The following DEPDC1B variants were observed in gnomAD, a reference collection of about 807,000 sequenced individuals.
DEPDC1B encodes the protein DEP domain-containing protein 1B.
Under a neutral mutation model 66.5 loss-of-function variants are expected in DEPDC1B, and 51 were observed. That is an observed-to-expected ratio of 0.77 (90% CI 0.61 to 0.97). The LOEUF (loss-of-function observed/expected upper bound fraction) is 0.97. DEPDC1B is among the 50% of genes least tolerant of loss of function. The pLI, the probability that DEPDC1B is intolerant of heterozygous loss-of-function variation, is 0.00. For missense variants in DEPDC1B, 552 were observed against 637.1 expected (o/e 0.87, Z 1.44); for synonymous variants, 226 against 223.6 (o/e 1.01, Z -0.10).
chr5:60,658,390 A>G (rs1179081385), intron 2 of DEPDC1B, among the ~76,000 whole-genome samples: 1 of 152,168 alleles, frequency 6.6e-6, no homozygotes, highest in Non-Finnish European at 1.5e-5. Flanking sequence ...ATATTACCAG[A>G]ATTGTTTTTC....
At chr5:60,609,478 A>G (rs1440300113) in intron 7 of DEPDC1B, among the ~76,000 whole-genome samples, 2 of 152,158 alleles carry the variant, frequency 1.3e-5, no homozygotes, top group African/African-American at 4.8e-5. Flanking sequence ...TCTTTAATGG[A>G]AGCAAGTCTC....
Position 60,638,812 on chromosome 5 carries a change from T to G in DEPDC1B, c.836A>C (p.Tyr279Ser). 6.2e-7 allele frequency: 1 copy of G among 1,613,184 alleles called. No homozygotes were observed. Among genetic ancestry groups the G allele is most frequent in the South Asian group, 1.1e-5 (1 of 90,944 alleles). The change falls in exon 7 of 11, where the codon TAT (tyrosine) becomes TCT (serine). Residue 279 changes from tyrosine (Y) to serine (S), a missense_variant. Tyr to Ser is a moderately radical substitution (Grantham distance 144, BLOSUM62 -2). Transcript: ENST00000265036. ...AAGTAGAGGCTCTTTCAAGTGACCA[T>G]AGTAATCAGCTATGGTTTTAAAGAC... ...KDVFKTIADY[Y>S]GHLKEPLLTF...
rs1171558452 is a variant in DEPDC1B, at chr5:60,620,461, C to T, written c.899-14605G>A. ...TTTACAAGAAAAAAACAAACAACCCCATCAACAAGTAGGCGAAGGATATGA... is the reference window on the plus strand; with the variant it reads ...TTTACAAGAAAAAAACAAACAACCCTATCAACAAGTAGGCGAAGGATATGA... On this transcript the variant is annotated intron_variant, in intron 7 of 10. Transcript: ENST00000265036. 4.6e-5 allele frequency among the ~76,000 whole-genome samples: 7 copies of T among 152,224 alleles called. No homozygotes were observed. In the South Asian group the frequency reaches 1.2e-3, roughly 27 times the overall value.
Position 60,597,776 on chromosome 5 carries a change from T to G in DEPDC1B, c.1567A>C (p.Arg523=). ...TATTACATTCGAAAACTTCTAGTTC[T>G]TTGAAATGGTTGGAAAGGCTTCTTT... ...ALKKPFQPFQ[R]TRSFRM The change falls in exon 11 of 11, where the codon AGA becomes CGA. Residue 523 remains arginine, a synonymous_variant. Transcript: ENST00000265036. The G allele has an allele frequency of 1.2e-6, 2 of 1,612,818 alleles. No individual in the cohort carries two copies. The highest frequency in any genetic ancestry group is 1.7e-6 in the Non-Finnish European group (2 of 1,179,482).
rs1277770504 is a variant in DEPDC1B, at chr5:60,687,532, C to CT, written c.49-306dup. The stretch of plus-strand genomic sequence containing the variant: ...ACCATAATTAAAACAAAAATAAAAA[C>CT]TTTTTTTTTTTTGAGATAGAGTCTA... On this transcript the variant is annotated intron_variant, in intron 1 of 10. Coordinates refer to ENST00000265036, the MANE Select transcript of DEPDC1B (RefSeq NM_018369.3). Among the ~76,000 whole-genome samples, 778 of 145,322 alleles carry CT rather than the reference C, an allele frequency of 5.4e-3. 4 individuals are homozygous for CT. The highest frequency in any genetic ancestry group is 0.017 in the Middle Eastern group (5 of 286).
chr5:60,657,924 C>G (rs1311119957), intron 2 of DEPDC1B, among the ~76,000 whole-genome samples: 1 of 152,184 alleles, frequency 6.6e-6, no homozygotes, highest in African/African-American at 2.4e-5. Context: ...TCAGGAAGAC[C>G]AATTACTCTT....
chr5:60,615,656 G>GGGT (rs1646653875), intron 7 of DEPDC1B, among the ~76,000 whole-genome samples: 1 of 152,206 alleles, frequency 6.6e-6, no homozygotes, highest in African/African-American at 2.4e-5. Context: ...AGCTTGAACT[G>GGGT]GGTGGAGCCC....
chr5:60,600,322 T>C (rs1160104868), intron 9 of DEPDC1B, among the ~76,000 whole-genome samples: 1 of 152,138 alleles, frequency 6.6e-6, no homozygotes, highest in East Asian at 1.9e-4. Flanking sequence ...TAAATGAACA[T>C]ACATTAAAAA....
intron 2 of DEPDC1B, among the ~76,000 whole-genome samples, chr5:60,662,824 TCA>T (rs1355573313): frequency 6.6e-6 from 1 of 152,098 alleles, no homozygotes; most frequent in East Asian, 1.9e-4. Flanking sequence ...GCCATCACCC[TCA>T]CAGAGCCCCA....
rs60544270 is a variant in DEPDC1B at position 60,606,609 on chromosome 5, C to CAAAA, written c.899-757_899-754dup. Among the ~76,000 whole-genome samples the CAAAA allele has an allele frequency of 1.2e-3, 56 of 46,576 alleles. 1 individual carries two copies. The highest frequency in any genetic ancestry group is 2.8e-3 in the African/African-American group (44 of 15,492). 30.6% of individuals were successfully genotyped at this position (46,576 alleles called of 152,430 possible). A position where few individuals can be genotyped will look rare whatever the true frequency, so the allele number is the denominator to read the frequency against. On this transcript the variant is annotated intron_variant, in intron 7 of 10. Coordinates refer to ENST00000265036, the MANE Select transcript of DEPDC1B (RefSeq NM_018369.3). Reference sequence around the variant, plus strand: ...GCAACATAGTGAGAACCCATTTCTACAAAAAAAAAAAAAAAAAAAAAAAAA... The same window carrying CAAAA: ...GCAACATAGTGAGAACCCATTTCTACAAAAAAAAAAAAAAAAAAAAAAAAAAAAA...
chr5:60,655,020 G>A lies in DEPDC1B; in HGVS notation c.315-7487C>T, dbSNP rs189412571. On this transcript the variant is annotated intron_variant, in intron 2 of 10. Coordinates refer to ENST00000265036, the MANE Select transcript of DEPDC1B (RefSeq NM_018369.3). The stretch of plus-strand genomic sequence containing the variant: ...ATCTTTTTGATATGCTGTTGGATTC[G>A]GTTAGGTAGTATTTTATTGAGGATT... Among the ~76,000 whole-genome samples, 104 of 149,058 alleles carry A rather than the reference G, an allele frequency of 7.0e-4. 11 individuals carry two copies. The highest frequency in any genetic ancestry group is 2.5e-3 in the African/African-American group (98 of 39,576).
chr5:60,626,654 C>A (rs185961267), intron 7 of DEPDC1B, among the ~76,000 whole-genome samples: 1 of 151,970 alleles, frequency 6.6e-6, no homozygotes, highest in Non-Finnish European at 1.5e-5. Context: ...AAAAAGTTTA[C>A]GAAAATACCT....
intron 2 of DEPDC1B, among the ~76,000 whole-genome samples, chr5:60,668,472 A>C (rs535455410): frequency 8.6e-5 from 13 of 151,644 alleles, no homozygotes; most frequent in African/African-American, 3.1e-4. Context: ...TCGGGGTTTC[A>C]TGATGTTGGC....
chr5:60,597,921 A>C lies in DEPDC1B; in HGVS notation c.1429-7T>G. The C allele has an allele frequency of 6.3e-7, 1 of 1,590,742 alleles. No homozygotes were observed. The highest frequency in any genetic ancestry group is 8.5e-7 in the Non-Finnish European group (1 of 1,174,374). On this transcript the variant is annotated splice_polypyrimidine_tract_variant and splice_region_variant and intron_variant, in intron 10 of 10. Transcript: ENST00000265036. ...CAGGATAGGATTTCTGAAACTAAAAAAATGAATGGTCCAAGAAGAGTAAAA... is the reference window on the plus strand; with the variant it reads ...CAGGATAGGATTTCTGAAACTAAAACAATGAATGGTCCAAGAAGAGTAAAA...
chr5:60,692,546 G>A (rs187230683), intron 1 of DEPDC1B, among the ~76,000 whole-genome samples: 36 of 152,236 alleles, frequency 2.4e-4, no homozygotes, highest in African/African-American at 7.5e-4. Flanking sequence ...GAATGTGAAA[G>A]AACTAGAAAT....
chr5:60,698,028 A>AT (rs200688717), intron 1 of DEPDC1B, among the ~76,000 whole-genome samples: 32 of 149,640 alleles, frequency 2.1e-4, no homozygotes, highest in Admixed American at 6.7e-4. Flanking sequence ...ATTATGAGGT[A>AT]TTTTTTTTTT....
intron 2 of DEPDC1B, among the ~76,000 whole-genome samples, chr5:60,677,552 T>TA (rs2112006662): frequency 6.6e-6 from 1 of 152,232 alleles, no homozygotes; most frequent in East Asian, 1.9e-4. Flanking sequence ...TTCTTTTTTT[T>TA]ATGAGACAAG....
At chr5:60,604,105 TGGGACTTTTCAA>T (rs1752261266) in intron 8 of DEPDC1B, among the ~76,000 whole-genome samples, 1 of 151,036 alleles carries the variant, frequency 6.6e-6, no homozygotes, top group Non-Finnish European at 1.5e-5. Flanking sequence ...AACAAAGCCA[TGGGACTTTTCAA>T]GAAGTACATT....
chr5:60,647,652 C>A, intron 2 of DEPDC1B, 119 bp from the exon 3 acceptor site: 2 of 1,106,552 alleles, frequency 1.8e-6, no homozygotes, highest in South Asian at 1.8e-5. Context: ...AATATTTATA[C>A]AATAATTACA....
Sources: gnomAD v4.1 joint callset for allele counts (sites outside exome capture counted in the v4.1 genomes callset) on GRCh38, gnomAD v4.1.1 for gene constraint, MANE v1.5 for transcripts, NCBI Gene and HGNC (gene_info 2026-07-23, HGNC 2026-07-21) for gene names.